Variants in ZEB1 observed in about 807,000 individuals in gnomAD.
The protein encoded by ZEB1 is zinc finger E-box-binding homeobox 1.
Under a neutral mutation model 84.9 loss-of-function variants are expected in ZEB1, and 21 were observed. The ratio of observed to expected loss-of-function variants is 0.25; its 90% CI spans 0.18 to 0.36. The LOEUF is 0.36. ZEB1 is among the 10% of genes least tolerant of loss of function. The pLI is 1.00. For synonymous variants in ZEB1, 420 were observed against 471.1 expected (o/e 0.89, Z 1.41); for missense variants, 1,104 against 1,330.2 (o/e 0.83, Z 2.65).
rs550196713 is a variant in ZEB1 at position 31,383,996 on chromosome 10, T to C, written c.58+64704T>C. 9.4e-3 allele frequency among the ~76,000 whole-genome samples: 1,133 copies of C among 120,864 alleles called. 8 individuals are homozygous for C. Among genetic ancestry groups the C allele is most frequent in the Non-Finnish European group, 0.014 (821 of 60,670 alleles). The allele number at this position is 120,864 out of a possible 152,430, so 79.3% of individuals were successfully genotyped here. On this transcript the variant is annotated intron_variant, in intron 1 of 8. Transcript: ENST00000424869. ...TTTTTTTTTTTTTTTTTTTTTGAGA[T>C]AGAGTCTCACTCTGTCGCCCAGACT...
At chr10:31,335,268 A>G (rs1000750151) in intron 1 of ZEB1, among the ~76,000 whole-genome samples, 2 of 152,082 alleles carry the variant, frequency 1.3e-5, no homozygotes, top group African/African-American at 4.8e-5. Context: ...CTACCTGCCC[A>G]TTAGTTACCA....
chr10:31,491,580 A>G (rs1329961647), intron 2 of ZEB1, among the ~76,000 whole-genome samples: 1 of 151,890 alleles, frequency 6.6e-6, no homozygotes, highest in East Asian at 1.9e-4. Context: ...AAGAAGAAAG[A>G]AAAAGGTAAG....
At chr10:31,354,180 T>TAA (rs2041754098) in intron 1 of ZEB1, among the ~76,000 whole-genome samples, 1 of 152,202 alleles carries the variant, frequency 6.6e-6, no homozygotes, top group African/African-American at 2.4e-5. Flanking sequence ...TTATTTCTTC[T>TAA]GAAACAATGA....
At chr10:31,459,270 C>T (rs1444821549) in intron 1 of ZEB1, among the ~76,000 whole-genome samples, 1 of 151,966 alleles carries the variant, frequency 6.6e-6, no homozygotes, top group East Asian at 1.9e-4. Context: ...AGTGGCAAAG[C>T]AGTATGATGT....
chr10:31,405,621 C>T (rs1238954871), intron 1 of ZEB1, among the ~76,000 whole-genome samples: 4 of 151,978 alleles, frequency 2.6e-5, no homozygotes, highest in African/African-American at 7.2e-5. Flanking sequence ...GTGGTTTTTA[C>T]ACAGTCCTGT....
rs529604368 is a variant in ZEB1 at position 31,356,268 on chromosome 10, A to C, written c.58+36976A>C. Among the ~76,000 whole-genome samples, 212 of 152,178 alleles carry C rather than the reference A, an allele frequency of 1.4e-3. 1 individual carries two copies. Among genetic ancestry groups the C allele is most frequent in the African/African-American group, 4.8e-3 (201 of 41,532 alleles). On this transcript the variant is annotated intron_variant, in intron 1 of 8. Transcript: ENST00000424869. Reference sequence around the variant, plus strand: ...GACTTCATTAACTAATATAGGGAGTATAGGGAGAACTTAGTTTTAAAAGAT... The same window carrying C: ...GACTTCATTAACTAATATAGGGAGTCTAGGGAGAACTTAGTTTTAAAAGAT...
intron 1 of ZEB1, among the ~76,000 whole-genome samples, chr10:31,364,509 C>T (rs1286809048): frequency 6.6e-6 from 1 of 152,202 alleles, no homozygotes; most frequent in African/African-American, 2.4e-5. Flanking sequence ...GCCAGGCTTC[C>T]CCGGGGCCTC....
intron 1 of ZEB1, among the ~76,000 whole-genome samples, chr10:31,403,901 A>G (rs906720850): frequency 3.9e-5 from 6 of 152,070 alleles, no homozygotes; most frequent in Non-Finnish European, 7.4e-5. Flanking sequence ...GTCATATTTT[A>G]TTTCTGAAAT....
chr10:31,483,300 C>T (rs192136517), intron 2 of ZEB1, among the ~76,000 whole-genome samples: 1 of 151,886 alleles, frequency 6.6e-6, no homozygotes, highest in Non-Finnish European at 1.5e-5. Context: ...GATGTTGGCT[C>T]CTTTCTAAAA....
intron 1 of ZEB1, among the ~76,000 whole-genome samples, chr10:31,368,785 G>A (rs2045102393): frequency 6.6e-6 from 1 of 152,168 alleles, no homozygotes; most frequent in Non-Finnish European, 1.5e-5. Flanking sequence ...TATGGGAAGT[G>A]GAGTAGGGAG....
intron 1 of ZEB1, among the ~76,000 whole-genome samples, chr10:31,415,643 C>T (rs161254): frequency 0.28 from 42,275 of 152,004 alleles, 13,630 homozygotes; most frequent in African/African-American, 0.79. Flanking sequence ...AACATACCTT[C>T]ATCAGTTTTA....
intron 1 of ZEB1, chr10:31,321,360 C>A: frequency 1.3e-6 from 2 of 1,517,748 alleles, no homozygotes; most frequent in Non-Finnish European, 8.8e-7. Flanking sequence ...ATTTTAAAGA[C>A]GTCTGTTGAT....
At chr10:31,424,648 A>G (rs2056693812) in intron 1 of ZEB1, among the ~76,000 whole-genome samples, 1 of 152,004 alleles carries the variant, frequency 6.6e-6, no homozygotes, top group Non-Finnish European at 1.5e-5. Flanking sequence ...GTGATTAAAG[A>G]GGTGTGAATA....
chr10:31,426,063 T>C (rs1452248860), intron 1 of ZEB1, among the ~76,000 whole-genome samples: 1 of 152,218 alleles, frequency 6.6e-6, no homozygotes, highest in South Asian at 2.1e-4. Flanking sequence ...TCTGTGTGAA[T>C]TTGAATAGTT....
At chr10:31,451,132 C>G (rs1229408535) in intron 1 of ZEB1, among the ~76,000 whole-genome samples, 2 of 152,068 alleles carry the variant, frequency 1.3e-5, no homozygotes, top group Admixed American at 1.3e-4. Flanking sequence ...CTGTCTATGT[C>G]TCTTAAATAA....
intron 1 of ZEB1, among the ~76,000 whole-genome samples, chr10:31,389,104 A>T (rs927965626): frequency 3.9e-5 from 6 of 152,152 alleles, no homozygotes; most frequent in Non-Finnish European, 8.8e-5. Context: ...ATGTATAAAT[A>T]AAATGGGGAC....
intron 1 of ZEB1, among the ~76,000 whole-genome samples, chr10:31,389,092 G>A (rs961286797): frequency 6.6e-6 from 1 of 152,012 alleles, no homozygotes; most frequent in African/African-American, 2.4e-5. Flanking sequence ...CAGTTTTGTA[G>A]GATGTATAAA....
intron 1 of ZEB1, among the ~76,000 whole-genome samples, chr10:31,408,745 C>G (rs1239135285): frequency 6.8e-6 from 1 of 148,070 alleles, no homozygotes; most frequent in African/African-American, 2.6e-5. Flanking sequence ...AAAATCAATT[C>G]AAGATGGATT....
At chr10:31,420,567 C>G (rs1000267542) in intron 1 of ZEB1, among the ~76,000 whole-genome samples, 4 of 152,182 alleles carry the variant, frequency 2.6e-5, no homozygotes, top group African/African-American at 9.6e-5. Flanking sequence ...CTGATTACAT[C>G]AGGCTCTCCC....
Sources: allele counts gnomAD v4.1 joint callset (sites outside exome capture counted in the v4.1 genomes callset), GRCh38; gene constraint gnomAD v4.1.1; transcripts MANE v1.5; gene names NCBI Gene and HGNC (gene_info 2026-07-23, HGNC 2026-07-21).